Variants in LRRC4C observed in about 807,000 individuals in gnomAD.
The protein encoded by LRRC4C is leucine-rich repeat-containing protein 4C.
A neutral mutation model predicts 33.6 loss-of-function variants in LRRC4C; 5 were observed. The observed-to-expected ratio is 0.15, with a 90% confidence interval of 0.08 to 0.31. The LOEUF is 0.31. LRRC4C is among the 10% of genes least tolerant of loss of function. The pLI, the probability that LRRC4C is intolerant of heterozygous loss-of-function variation, is 1.00. For missense variants in LRRC4C, 560 were observed against 796.7 expected (o/e 0.70, Z 3.58); for synonymous variants, 329 against 302.0 (o/e 1.09, Z -0.93).
chr11:40,770,858 A>G (rs147340891), intron 2 of LRRC4C, among the ~76,000 whole-genome samples: 2 of 152,218 alleles, frequency 1.3e-5, no homozygotes, highest in African/African-American at 4.8e-5. Flanking sequence ...GTGGGCTCCC[A>G]TGGCCTTGGG....
At chr11:40,587,089 G>T (rs1958793104) in intron 3 of LRRC4C, among the ~76,000 whole-genome samples, 2 of 151,846 alleles carry the variant, frequency 1.3e-5, no homozygotes, top group South Asian at 2.1e-4. Context: ...TCATGATATT[G>T]ATTCTTCCTA....
intron 1 of LRRC4C, among the ~76,000 whole-genome samples, chr11:40,970,711 C>A (rs2136983940): frequency 6.6e-6 from 1 of 152,228 alleles, no homozygotes; most frequent in South Asian, 2.1e-4. Flanking sequence ...TACCTAGAGC[C>A]TTGTTAAACT....
rs1852263000 is a variant in LRRC4C, at chr11:40,978,614, TC to T, written c.-495-44892del. Among the ~76,000 whole-genome samples the T allele has an allele frequency of 2.6e-5, 4 of 151,044 alleles. No homozygotes were observed. The South Asian group carries it at 8.5e-4, about 32-fold the overall frequency. On this transcript the variant is annotated intron_variant, in intron 1 of 6. Coordinates refer to ENST00000528697, the MANE Select transcript of LRRC4C (RefSeq NM_001258419.2). ...TATAACTTTGTCTCATGCCCCTCTT[TC>T]TTTTTACTGTTTTTTTTTTTTTTTG...
At chr11:40,601,282 A>C (rs554609291) in intron 3 of LRRC4C, among the ~76,000 whole-genome samples, 1 of 152,284 alleles carries the variant, frequency 6.6e-6, no homozygotes, top group South Asian at 2.1e-4. Flanking sequence ...TCTCTTCTGA[A>C]TACTCTGTGC....
At chr11:40,932,441 G>C (rs140595745) in intron 2 of LRRC4C, among the ~76,000 whole-genome samples, 5 of 152,250 alleles carry the variant, frequency 3.3e-5, no homozygotes, top group African/African-American at 9.6e-5. Context: ...AGAGTGAAAT[G>C]ATGGGGAATA....
chr11:40,656,287 G>C (rs1468034552), intron 2 of LRRC4C, among the ~76,000 whole-genome samples: 1 of 147,030 alleles, frequency 6.8e-6, no homozygotes, highest in Non-Finnish European at 1.5e-5. Context: ...TCCCATTCTT[G>C]TTTTCTCCTT....
At chr11:41,156,848 G>T (rs547210793) in intron 1 of LRRC4C, among the ~76,000 whole-genome samples, 1 of 152,028 alleles carries the variant, frequency 6.6e-6, no homozygotes, top group Non-Finnish European at 1.5e-5. Flanking sequence ...TGGTTTGGAT[G>T]TTTTTGTCCC....
chr11:40,216,418 C>T (rs1274679815), intron 5 of LRRC4C, among the ~76,000 whole-genome samples: 1 of 152,088 alleles, frequency 6.6e-6, no homozygotes, highest in Non-Finnish European at 1.5e-5. Context: ...TGAATAGATT[C>T]CCGTTATTCC....
intron 5 of LRRC4C, among the ~76,000 whole-genome samples, chr11:40,176,598 T>C (rs1860512663): frequency 6.6e-6 from 1 of 151,758 alleles, no homozygotes; most frequent in Admixed American, 6.6e-5. Context: ...TCAGTGCAGT[T>C]GGTACAAACA....
chr11:40,374,120 A>G (rs1243801194), intron 3 of LRRC4C, among the ~76,000 whole-genome samples: 1 of 152,210 alleles, frequency 6.6e-6, no homozygotes, highest in African/African-American at 2.4e-5. Context: ...AACAAGGATC[A>G]TTCTCATTAA....
chr11:41,435,585 C>A (rs193274572), intron 1 of LRRC4C, among the ~76,000 whole-genome samples: 1 of 152,198 alleles, frequency 6.6e-6, no homozygotes, highest in Non-Finnish European at 1.5e-5. Context: ...GACTTGTTAC[C>A]AAAAGCTTAT....
At chr11:40,737,225 T>C (rs1226063356) in intron 2 of LRRC4C, among the ~76,000 whole-genome samples, 1 of 152,124 alleles carries the variant, frequency 6.6e-6, no homozygotes, top group Non-Finnish European at 1.5e-5. Context: ...TATCTCAATA[T>C]AATAAGAGCT....
intron 4 of LRRC4C, among the ~76,000 whole-genome samples, chr11:40,244,702 A>C (rs1374471033): frequency 1.3e-5 from 2 of 151,134 alleles, no homozygotes; most frequent in Non-Finnish European, 2.9e-5. Context: ...GTGTTTTTTG[A>C]GTTGATTTTC....
intron 5 of LRRC4C, among the ~76,000 whole-genome samples, chr11:40,154,764 TC>T (rs1418037760): frequency 6.6e-6 from 1 of 152,148 alleles, no homozygotes; most frequent in Non-Finnish European, 1.5e-5. Flanking sequence ...GTAGGAGACT[TC>T]AATACACCAC....
At chr11:41,039,965 G>A (rs560545483) in intron 1 of LRRC4C, among the ~76,000 whole-genome samples, 1 of 151,680 alleles carries the variant, frequency 6.6e-6, no homozygotes, top group South Asian at 2.1e-4. Flanking sequence ...ACATGGTGCC[G>A]TCTCTACTAA....
intron 3 of LRRC4C, among the ~76,000 whole-genome samples, chr11:40,333,712 T>C (rs954537914): frequency 1.7e-5 from 2 of 115,522 alleles, no homozygotes; most frequent in African/African-American, 6.2e-5. Flanking sequence ...AGTGAGACTT[T>C]GTCTCAAAAA....
At chr11:40,538,165 A>G (rs10837433) in intron 3 of LRRC4C, among the ~76,000 whole-genome samples, 86,520 of 151,916 alleles carry the variant, frequency 0.57, 24,981 homozygotes, top group East Asian at 0.81. Context: ...TCTTTCTAAC[A>G]TTCTCCAGGT....
At chr11:41,402,684 T>G (rs2121569) in intron 1 of LRRC4C, among the ~76,000 whole-genome samples, 140,876 of 152,026 alleles carry the variant, frequency 0.93, 65,377 homozygotes, top group East Asian at 1. Context: ...AATGGGATAT[T>G]ATAATAATAT....
chr11:40,575,696 A>G lies in LRRC4C; in HGVS notation c.-270+72446T>C, dbSNP rs188634726. 4.9e-3 allele frequency among the ~76,000 whole-genome samples: 741 copies of G among 152,332 alleles called. 8 individuals carry two copies. The highest frequency in any genetic ancestry group is 0.017 in the African/African-American group (714 of 41,572). The stretch of plus-strand genomic sequence containing the variant: ...CAATTTTCTTCAAGATCTAAGATTT[A>G]GTATTCCATAAAGTATTGATGATCT... On this transcript the variant is annotated intron_variant, in intron 3 of 6. Transcript: ENST00000528697.
Sources: gnomAD v4.1 joint callset for allele counts (sites outside exome capture counted in the v4.1 genomes callset) on GRCh38, gnomAD v4.1.1 for gene constraint, MANE v1.5 for transcripts, NCBI Gene and HGNC (gene_info 2026-07-23, HGNC 2026-07-21) for gene names.